The following KSR2 variants were observed in gnomAD, a reference collection of about 807,000 sequenced individuals.
The protein encoded by KSR2 is kinase suppressor of ras 2.
In KSR2, 25 loss-of-function variants were observed where a neutral mutation model predicts 107.8. The ratio of observed to expected loss-of-function variants is 0.23; its 90% CI spans 0.17 to 0.32. KSR2 has a LOEUF of 0.32. KSR2 is among the 10% of genes least tolerant of loss of function. The pLI, the probability that KSR2 is intolerant of heterozygous loss-of-function variation, is 1.00. For synonymous variants in KSR2, 480 were observed against 507.0 expected (o/e 0.95, Z 0.71); for missense variants, 887 against 1,268.9 (o/e 0.70, Z 4.57).
intron 7 of KSR2, among the ~76,000 whole-genome samples, chr12:117,575,032 C>G (rs959506400): frequency 6.6e-6 from 1 of 152,104 alleles, no homozygotes; most frequent in Non-Finnish European, 1.5e-5. Context: ...TGAGACCATC[C>G]CTCACCACTT....
intron 5 of KSR2, 98 bp from the exon 6 acceptor site, chr12:117,582,457 G>A: frequency 2.3e-6 from 2 of 866,058 alleles, no homozygotes; most frequent in Non-Finnish European, 3.8e-6. Context: ...TCACCCTCAG[G>A]AAGGATACCA....
intron 1 of KSR2, among the ~76,000 whole-genome samples, chr12:117,866,661 C>T (rs570795802): frequency 3.1e-4 from 47 of 152,154 alleles, no homozygotes; most frequent in African/African-American, 1.0e-3. Context: ...GAAACCCCAT[C>T]TCTACTAAAA....
chr12:117,670,887 A>G (rs1220775340), intron 4 of KSR2, among the ~76,000 whole-genome samples: 4 of 152,026 alleles, frequency 2.6e-5, no homozygotes, highest in Non-Finnish European at 4.4e-5. Flanking sequence ...ACCCCTACAC[A>G]TACTCCATGG....
At chr12:117,626,307 T>C (rs1395003370) in intron 5 of KSR2, among the ~76,000 whole-genome samples, 2 of 152,218 alleles carry the variant, frequency 1.3e-5, no homozygotes, top group Non-Finnish European at 1.5e-5. Context: ...GGGGTGTTGA[T>C]TTTAGATCTT....
chr12:117,707,960 G>A (rs1009750714), intron 4 of KSR2, among the ~76,000 whole-genome samples: 1 of 152,186 alleles, frequency 6.6e-6, no homozygotes, highest in African/African-American at 2.4e-5. Flanking sequence ...TGAAAAAGGA[G>A]TCCCCCATGC....
At position 117,530,964 on chromosome 12, in the gene KSR2, C is replaced by T. The variant is rs1565886624; in HGVS notation, c.1779G>A (p.Leu593=). 3 of 1,613,634 alleles carry T rather than the reference C, an allele frequency of 1.9e-6. No homozygotes were observed. The highest frequency in any genetic ancestry group is 2.5e-6 in the Non-Finnish European group (3 of 1,179,708). ...ETPTRAPQVI[L]HPVTSNPILE... is the part of the protein sequence containing the mutation. ...ACATTGGATTCGAGGTCACCGGATG[C>T]AGGATGACCTGGGGCGCCCGGGTCG... Residue 593 remains leucine, a synonymous_variant, in exon 12 of 20, where the codon CTG becomes CTA. Coordinates refer to ENST00000339824, the MANE Select transcript of KSR2 (RefSeq NM_173598.6).
intron 3 of KSR2, among the ~76,000 whole-genome samples, chr12:117,800,292 T>C (rs1890784988): frequency 6.6e-6 from 1 of 152,056 alleles, no homozygotes. Context: ...ACTATACATG[T>C]TGGGTGGGTC....
chr12:117,782,916 G>A (rs1889935663), intron 3 of KSR2, among the ~76,000 whole-genome samples: 1 of 152,104 alleles, frequency 6.6e-6, no homozygotes, highest in Admixed American at 6.5e-5. Context: ...GGGTAGAATG[G>A]GGGACTACAC....
intron 5 of KSR2, among the ~76,000 whole-genome samples, chr12:117,612,415 A>AG (rs2136319856): frequency 6.6e-6 from 1 of 152,228 alleles, no homozygotes; most frequent in East Asian, 1.9e-4. Context: ...AAACAAAAAA[A>AG]AGGTAAATCT....
chr12:117,858,985 T>A (rs2137238298), intron 2 of KSR2, among the ~76,000 whole-genome samples: 1 of 152,246 alleles, frequency 6.6e-6, no homozygotes, highest in Non-Finnish European at 1.5e-5. Flanking sequence ...AATGAGTCGG[T>A]CTCTGGGATC....
At chr12:117,739,097 T>C (rs1051247489) in intron 4 of KSR2, among the ~76,000 whole-genome samples, 26 of 152,230 alleles carry the variant, frequency 1.7e-4, no homozygotes, top group African/African-American at 6.0e-4. Flanking sequence ...GGCTCACGCC[T>C]GTAATCCCAG....
At chr12:117,928,890 G>A (rs575738264) in intron 1 of KSR2, among the ~76,000 whole-genome samples, 5 of 147,000 alleles carry the variant, frequency 3.4e-5, no homozygotes, top group Admixed American at 2.1e-4. Context: ...GCTTAGCAAA[G>A]GCAAGTGCCT....
At chr12:117,621,231 T>C (rs886980035) in intron 5 of KSR2, among the ~76,000 whole-genome samples, 2 of 152,198 alleles carry the variant, frequency 1.3e-5, no homozygotes, top group African/African-American at 4.8e-5. Flanking sequence ...ATGTAAGACA[T>C]GCCTGCTTCC....
intron 14 of KSR2, among the ~76,000 whole-genome samples, chr12:117,489,176 G>A (rs1005938424): frequency 6.6e-6 from 1 of 152,006 alleles, no homozygotes; most frequent in Non-Finnish European, 1.5e-5. Context: ...GGTGGGCGGG[G>A]GTGCTGGAAG....
At position 117,731,935 on chromosome 12, in the gene KSR2, A is replaced by C. The variant is rs182630809; in HGVS notation, c.986+29076T>G. ...GGTCCTGTGCCTAGGAAAACTAGAG[A>C]CCCTTGTTCACATGTTTATCTGCTG... On this transcript the variant is annotated intron_variant, in intron 4 of 19. Coordinates refer to ENST00000339824, the MANE Select transcript of KSR2 (RefSeq NM_173598.6). 1.5e-3 allele frequency among the ~76,000 whole-genome samples: 217 copies of C among 143,264 alleles called. 10 individuals are homozygous for C. In the East Asian group the frequency reaches 0.04, roughly 27 times the overall value. The allele number at this position is 143,264 out of a possible 152,430, so 94.0% of individuals were successfully genotyped here. A position where few individuals can be genotyped will look rare whatever the true frequency, so the allele number is the denominator to read the frequency against.
At chr12:117,963,807 G>A (rs1896722883) in intron 1 of KSR2, among the ~76,000 whole-genome samples, 1 of 152,026 alleles carries the variant, frequency 6.6e-6, no homozygotes. Context: ...TGGTCTCTAG[G>A]CTGCCCCATG....
intron 8 of KSR2, 119 bp downstream of exon 8, chr12:117,558,387 C>A: frequency 2.8e-6 from 2 of 702,716 alleles, no homozygotes; most frequent in East Asian, 5.3e-5. Context: ...AGAAACAATG[C>A]TGGAAGTATG....
At chr12:117,515,039 C>A (rs928185735) in intron 14 of KSR2, among the ~76,000 whole-genome samples, 4 of 152,142 alleles carry the variant, frequency 2.6e-5, no homozygotes, top group African/African-American at 9.7e-5. Flanking sequence ...TCCAGGTCCC[C>A]ATGTACCCCT....
chr12:117,787,870 A>C (rs1387742371), intron 3 of KSR2, among the ~76,000 whole-genome samples: 1 of 152,222 alleles, frequency 6.6e-6, no homozygotes, highest in Non-Finnish European at 1.5e-5. Flanking sequence ...ACTACACCAC[A>C]CCAGAAAATT....
Sources: gnomAD v4.1 joint callset for allele counts (sites outside exome capture counted in the v4.1 genomes callset) on GRCh38, gnomAD v4.1.1 for gene constraint, MANE v1.5 for transcripts, NCBI Gene and HGNC (gene_info 2026-07-23, HGNC 2026-07-21) for gene names.